Variants in DYNC1I1 observed in about 807,000 individuals in gnomAD.
The protein encoded by DYNC1I1 is cytoplasmic dynein 1 intermediate chain 1.
A neutral mutation model predicts 86.6 loss-of-function variants in DYNC1I1; 43 were observed. That is an observed-to-expected ratio of 0.50 (90% CI 0.39 to 0.64). DYNC1I1 has a LOEUF of 0.64. Ranked by LOEUF, DYNC1I1 falls within the 30% of genes least tolerant of loss-of-function variation. The probability of loss-of-function intolerance (pLI) is 0.00; values close to 1 mark genes in which losing one functional copy is unlikely to be tolerated. For synonymous variants in DYNC1I1, 262 were observed against 283.7 expected, an observed-to-expected ratio of 0.92 and a Z score of 0.77; for missense variants, 604 against 788.8, an observed-to-expected ratio of 0.77 and a Z score of 2.81.
chr7:95,894,245 G>A (rs978163185), intron 6 of DYNC1I1, among the ~76,000 whole-genome samples: 5 of 151,822 alleles, frequency 3.3e-5, no homozygotes, highest in African/African-American at 1.2e-4. Context: ...TCTGAAGGCT[G>A]GAAAGTCCAA....
intron 14 of DYNC1I1, among the ~76,000 whole-genome samples, chr7:96,064,216 C>A (rs1369293796): frequency 3.3e-3 from 148 of 44,588 alleles, no homozygotes; most frequent in African/African-American, 0.022. Flanking sequence ...TCATATCTCT[C>A]TCTCTCTCTC....
In DYNC1I1 at chr7:96,097,893, C is replaced by T. The variant is rs927896943; in HGVS notation, c.*300C>T. On this transcript the variant is annotated 3_prime_UTR_variant, in exon 17 of 17. Transcript: ENST00000447467. ...GTAGCTGTATTTAATAGCTGGAAAC[C>T]TCTGGTTAAATTTGTGCTTACATGC... is the stretch of plus-strand genomic sequence containing the variant. 2.8e-6 allele frequency: 3 copies of T among 1,089,376 alleles called. No homozygotes were observed. The highest frequency in any genetic ancestry group is 3.4e-6 in the Non-Finnish European group (3 of 892,300). The allele number at this position is 1,089,376 out of a possible 1,614,324, so 67.5% of individuals were successfully genotyped here.
intron 6 of DYNC1I1, among the ~76,000 whole-genome samples, chr7:95,928,848 C>T (rs1353434626): frequency 6.6e-6 from 1 of 152,134 alleles, no homozygotes; most frequent in Non-Finnish European, 1.5e-5. Flanking sequence ...ATGCAACAGA[C>T]AATGCATATA....
chr7:95,994,985 C>T (rs945036938), intron 9 of DYNC1I1, among the ~76,000 whole-genome samples: 3 of 152,130 alleles, frequency 2.0e-5, no homozygotes, highest in African/African-American at 2.4e-5. Flanking sequence ...TGGTGGCTCA[C>T]GCCTGTAATC....
rs1794733437 is a variant in DYNC1I1, at chr7:96,028,401, G to A, written c.1116+80G>A. The stretch of plus-strand genomic sequence containing the variant: ...TAACTCTACTCAAAAAAGTATGGAT[G>A]TTTTCAGTAATGCCAAGTTAGGAGG... On this transcript the variant is annotated intron_variant, in intron 11 of 16. Coordinates refer to ENST00000447467, the MANE Select transcript of DYNC1I1 (RefSeq NM_001135556.2). 7.3e-6 allele frequency: 11 copies of A among 1,516,350 alleles called. No individual in the cohort carries two copies. The South Asian group carries it at 1.3e-4, about 18-fold the overall frequency. 93.9% of individuals were successfully genotyped at this position (1,516,350 alleles called of 1,614,324 possible).
chr7:96,080,772 G>A (rs1790491861), intron 16 of DYNC1I1, among the ~76,000 whole-genome samples: 1 of 152,070 alleles, frequency 6.6e-6, no homozygotes, highest in Non-Finnish European at 1.5e-5. Flanking sequence ...CTAATTTCAT[G>A]AGAATGAAAA....
At chr7:96,023,473 G>A (rs1794602804) in intron 10 of DYNC1I1, among the ~76,000 whole-genome samples, 1 of 152,160 alleles carries the variant, frequency 6.6e-6, no homozygotes, top group Non-Finnish European at 1.5e-5. Flanking sequence ...TGGTTAAGGG[G>A]AAGTACCATC....
intron 14 of DYNC1I1, among the ~76,000 whole-genome samples, chr7:96,052,626 A>G (rs1437073957): frequency 6.6e-6 from 1 of 152,214 alleles, no homozygotes; most frequent in African/African-American, 2.4e-5. Context: ...AATAATTACC[A>G]CTATTACTGT....
At chr7:95,851,026 C>T (rs778523862) in intron 5 of DYNC1I1, among the ~76,000 whole-genome samples, 3 of 152,132 alleles carry the variant, frequency 2.0e-5, no homozygotes, top group Non-Finnish European at 1.5e-5. Context: ...CCCACTGCAA[C>T]CTCAACCTCC....
chr7:95,837,253 G>T (rs1160296805), intron 5 of DYNC1I1, among the ~76,000 whole-genome samples: 3 of 150,548 alleles, frequency 2.0e-5, no homozygotes, highest in Non-Finnish European at 4.5e-5. Flanking sequence ...TGCCCCTGCT[G>T]GGGGGTGCCT....
intron 6 of DYNC1I1, among the ~76,000 whole-genome samples, chr7:95,880,927 C>T (rs1186764841): frequency 1.3e-5 from 2 of 152,024 alleles, no homozygotes; most frequent in African/African-American, 4.8e-5. Context: ...TTCACTCGTT[C>T]GTTATCAACA....
chr7:96,058,946 T>A (rs1789673360), intron 14 of DYNC1I1, among the ~76,000 whole-genome samples: 1 of 151,722 alleles, frequency 6.6e-6, no homozygotes, highest in African/African-American at 2.4e-5. Flanking sequence ...ACCTGGCCAG[T>A]TAATTCTTGT....
At chr7:96,056,394 A>T (rs1431110000) in intron 14 of DYNC1I1, among the ~76,000 whole-genome samples, 1 of 152,136 alleles carries the variant, frequency 6.6e-6, no homozygotes, top group Non-Finnish European at 1.5e-5. Flanking sequence ...TTCTCTAAGG[A>T]TGACCTCCTC....
chr7:96,054,682 C>T (rs1789517220), intron 14 of DYNC1I1, among the ~76,000 whole-genome samples: 1 of 151,912 alleles, frequency 6.6e-6, no homozygotes, highest in African/African-American at 2.4e-5. Context: ...TCCATTCTAA[C>T]TGACAGTGAG....
intron 14 of DYNC1I1, among the ~76,000 whole-genome samples, chr7:96,051,403 C>G (rs1227604458): frequency 6.6e-6 from 1 of 152,134 alleles, no homozygotes; most frequent in East Asian, 1.9e-4. Context: ...GTCGACTGAT[C>G]AGGTATATGG....
intron 6 of DYNC1I1, among the ~76,000 whole-genome samples, chr7:95,949,879 C>A (rs1792505686): frequency 6.6e-6 from 1 of 152,158 alleles, no homozygotes; most frequent in Non-Finnish European, 1.5e-5. Context: ...TTCCAGAAAG[C>A]CACAAAAATA....
In DYNC1I1 at chr7:96,017,982, T is replaced by C. The variant is rs1015188875; in HGVS notation, c.970-10193T>C. Among the ~76,000 whole-genome samples the C allele has an allele frequency of 1.2e-4, 19 of 152,168 alleles. 1 individual carries two copies. The highest frequency in any genetic ancestry group is 7.4e-5 in the Non-Finnish European group (5 of 68,020). ...CAGTTCCCAGCAGGAAGTACCCACC[T>C]CATAGTAAATATCACCACAATTGGT... On this transcript the variant is annotated intron_variant, in intron 10 of 16. Coordinates refer to ENST00000447467, the MANE Select transcript of DYNC1I1 (RefSeq NM_001135556.2).
At chr7:95,783,048 G>A (rs927793953) in intron 1 of DYNC1I1, among the ~76,000 whole-genome samples, 15 of 152,142 alleles carry the variant, frequency 9.9e-5, no homozygotes, top group African/African-American at 2.9e-4. Context: ...TAGAAAAGGC[G>A]ACATTTGGGC....
intron 6 of DYNC1I1, among the ~76,000 whole-genome samples, chr7:95,966,022 A>G (rs918604545): frequency 6.6e-5 from 10 of 152,108 alleles, no homozygotes; most frequent in African/African-American, 2.4e-4. Flanking sequence ...ACAACACCCA[A>G]TCCAGTAGAG....
Sources: gnomAD v4.1 joint callset for allele counts (sites outside exome capture counted in the v4.1 genomes callset) on GRCh38, gnomAD v4.1.1 for gene constraint, MANE v1.5 for transcripts, NCBI Gene and HGNC (gene_info 2026-07-23, HGNC 2026-07-21) for gene names.